Variants in EPB41L4A observed in about 807,000 individuals in gnomAD.
EPB41L4A encodes the protein erythrocyte membrane protein band 4.1 like 4A.
Under a neutral mutation model 108.6 loss-of-function variants are expected in EPB41L4A, and 100 were observed. That is an observed-to-expected ratio of 0.92 (90% CI 0.78 to 1.09). The LOEUF (loss-of-function observed/expected upper bound fraction) is 1.09, where lower values mean the gene tolerates loss of function less well. EPB41L4A is among the 50% of genes least tolerant of loss of function. The pLI is 0.00. For missense variants in EPB41L4A, 1,030 were observed against 842.7 expected, an observed-to-expected ratio of 1.22 and a Z score of -2.75; for synonymous variants, 319 against 289.0, an observed-to-expected ratio of 1.10 and a Z score of -1.05.
chr5:112,250,411 A>G (rs763485442), intron 9 of EPB41L4A, among the ~76,000 whole-genome samples: 3 of 152,196 alleles, frequency 2.0e-5, no homozygotes, highest in Non-Finnish European at 4.4e-5. Context: ...ATAGTTTTCT[A>G]TCTTCTCCTC....
chr5:112,290,212 T>C (rs1753558262), intron 2 of EPB41L4A, among the ~76,000 whole-genome samples: 1 of 152,198 alleles, frequency 6.6e-6, no homozygotes, highest in African/African-American at 2.4e-5. Flanking sequence ...CTTCCAAACA[T>C]ACTAGTTTTA....
At chr5:112,394,424 A>C (rs927854050) in intron 1 of EPB41L4A, among the ~76,000 whole-genome samples, 8 of 152,196 alleles carry the variant, frequency 5.3e-5, no homozygotes, top group African/African-American at 1.7e-4. Context: ...GCAAAAATCA[A>C]AACCATTCCT....
intron 4 of EPB41L4A, among the ~76,000 whole-genome samples, chr5:112,268,842 C>CAAAAAAAA (rs34983995): frequency 2.3e-4 from 13 of 55,916 alleles, no homozygotes; most frequent in African/African-American, 2.9e-4. Context: ...GACCTTCTCT[C>CAAAAAAAA]AAAAAAAAAA....
intron 1 of EPB41L4A, among the ~76,000 whole-genome samples, chr5:112,408,720 G>T (rs1455223022): frequency 5.0e-5 from 1 of 20,168 alleles, no homozygotes; most frequent in South Asian, 1.7e-3. Context: ...AAAAAAAAAG[G>T]GCCAGTAAGC....
intron 12 of EPB41L4A, among the ~76,000 whole-genome samples, chr5:112,148,086 T>C (rs1004364704): frequency 6.9e-6 from 1 of 145,838 alleles, no homozygotes; most frequent in African/African-American, 2.6e-5. Flanking sequence ...AGTTAAATAG[T>C]ATTACTATAA....
At chr5:112,293,352 C>T (rs1364842963) in intron 2 of EPB41L4A, among the ~76,000 whole-genome samples, 1 of 110,352 alleles carries the variant, frequency 9.1e-6, no homozygotes, top group Non-Finnish European at 1.9e-5. Flanking sequence ...TATTTTTCCT[C>T]ATCCTCTCCC....
intron 1 of EPB41L4A, among the ~76,000 whole-genome samples, chr5:112,309,302 G>C (rs929055910): frequency 3.9e-5 from 6 of 152,108 alleles, no homozygotes; most frequent in Non-Finnish European, 7.4e-5. Context: ...AGTTTAATTT[G>C]TTTGATATCC....
At chr5:112,385,891 A>C (rs1206442943) in intron 1 of EPB41L4A, among the ~76,000 whole-genome samples, 2 of 152,228 alleles carry the variant, frequency 1.3e-5, no homozygotes, top group African/African-American at 4.8e-5. Context: ...GGCAACATGC[A>C]CTGAATTACT....
intron 1 of EPB41L4A, among the ~76,000 whole-genome samples, chr5:112,378,084 C>T (rs1163597740): frequency 1.3e-5 from 2 of 152,196 alleles, no homozygotes; most frequent in East Asian, 3.8e-4. Flanking sequence ...TATAAGGATT[C>T]ATGTTTCCAT....
chr5:112,411,713 G>T (rs897159211), intron 1 of EPB41L4A, among the ~76,000 whole-genome samples: 3 of 152,156 alleles, frequency 2.0e-5, no homozygotes, highest in African/African-American at 7.2e-5. Flanking sequence ...AGGGAGCAGG[G>T]AGGGGAAAGA....
Position 112,262,521 on chromosome 5 carries a change from C to G in EPB41L4A, c.615G>C (p.Met205Ile), listed in dbSNP as rs202149026. 41 of 1,614,020 alleles carry G rather than the reference C, an allele frequency of 2.5e-5. No individual in the cohort carries two copies. The highest frequency in any genetic ancestry group is 3.4e-5 in the Non-Finnish European group (40 of 1,179,940). Residue 205 changes from methionine to isoleucine, a missense_variant, in exon 7 of 23, where the codon ATG (methionine) becomes ATC (isoleucine). Met to Ile is a conservative substitution (Grantham distance 10, BLOSUM62 1). Coordinates refer to ENST00000261486, the MANE Select transcript of EPB41L4A (RefSeq NM_022140.5). Reference sequence around the variant, plus strand: ...AGACGGGATGGAGGTCAACGCCATACATCTCCAGGGATTTGGCAGTCCTCA... The same window carrying G: ...AGACGGGATGGAGGTCAACGCCATAGATCTCCAGGGATTTGGCAGTCCTCA... ...NYLRTAKSLE[M>I]YGVDLHPVYG...
At chr5:112,206,060 T>A (rs1352374961) in intron 13 of EPB41L4A, 1 of 153,120 alleles carries the variant, frequency 6.5e-6, no homozygotes, top group Non-Finnish European at 1.5e-5. Context: ...TAGTATCATC[T>A]TTCAGTCCTA....
chr5:112,285,251 T>G (rs1753212852), intron 2 of EPB41L4A, among the ~76,000 whole-genome samples: 1 of 152,220 alleles, frequency 6.6e-6, no homozygotes, highest in Non-Finnish European at 1.5e-5. Flanking sequence ...CACACAGTTT[T>G]CATTAATATA....
chr5:112,371,987 T>C (rs1759525511), intron 1 of EPB41L4A, among the ~76,000 whole-genome samples: 1 of 152,076 alleles, frequency 6.6e-6, no homozygotes, highest in African/African-American at 2.4e-5. Context: ...CCCAGGAGTT[T>C]AAGACCAGCC....
chr5:112,168,669 T>C (rs1485825845), intron 22 of EPB41L4A, 70 bp downstream of exon 22: 10 of 1,290,160 alleles, frequency 7.8e-6, no homozygotes, highest in Non-Finnish European at 1.1e-5. Context: ...AAAGGAACTT[T>C]CCAAAGCACA....
At position 112,419,219 on chromosome 5, in the gene EPB41L4A, G is replaced by C. The variant is rs549144439; in HGVS notation, c.-180C>G. 2 of 485,806 alleles carry C rather than the reference G, an allele frequency of 4.1e-6. No homozygotes were observed. Among genetic ancestry groups the C allele is most frequent in the East Asian group, 3.9e-5 (1 of 25,862 alleles). 30.1% of individuals were successfully genotyped at this position (485,806 alleles called of 1,614,324 possible). A position where few individuals can be genotyped will look rare whatever the true frequency, so the allele number is the denominator to read the frequency against. Reference sequence around the variant, plus strand: ...CGCCCGGCGGGGCGGGAGCGAGAAAGGCGGAAAAGCCCGGGAGAGTCAGCG... The same window carrying C: ...CGCCCGGCGGGGCGGGAGCGAGAAACGCGGAAAAGCCCGGGAGAGTCAGCG... On this transcript the variant is annotated 5_prime_UTR_variant, in exon 1 of 23. Coordinates refer to ENST00000261486, the MANE Select transcript of EPB41L4A (RefSeq NM_022140.5).
intron 1 of EPB41L4A, among the ~76,000 whole-genome samples, chr5:112,337,944 G>C (rs987513919): frequency 6.6e-6 from 1 of 152,032 alleles, no homozygotes; most frequent in Non-Finnish European, 1.5e-5. Flanking sequence ...AGAAGGCACT[G>C]GGCACATGGA....
At chr5:112,344,452 T>C (rs1757512152) in intron 1 of EPB41L4A, among the ~76,000 whole-genome samples, 1 of 152,228 alleles carries the variant, frequency 6.6e-6, no homozygotes, top group South Asian at 2.1e-4. Flanking sequence ...TTATAGTGTT[T>C]GTTGTACATG....
At chr5:112,243,162 C>T (rs548591389) in intron 9 of EPB41L4A, among the ~76,000 whole-genome samples, 1 of 146,936 alleles carries the variant, frequency 6.8e-6, no homozygotes, top group Non-Finnish European at 1.5e-5. Context: ...TGCAGTGAGC[C>T]GAGATCGTGC....
Sources: allele counts gnomAD v4.1 joint callset (sites outside exome capture counted in the v4.1 genomes callset), GRCh38; gene constraint gnomAD v4.1.1; transcripts MANE v1.5; gene names NCBI Gene and HGNC (gene_info 2026-07-23, HGNC 2026-07-21).